PAPPA2: variants seen among roughly 807,000 people sequenced by gnomAD.
PAPPA2 encodes the protein pappalysin 2.
A neutral mutation model predicts 176.4 loss-of-function variants in PAPPA2; 86 were observed. The ratio of observed to expected loss-of-function variants is 0.49; its 90% CI spans 0.41 to 0.58. The LOEUF is 0.58. PAPPA2 is among the 20% of genes least tolerant of loss of function. The pLI, the probability that PAPPA2 is intolerant of heterozygous loss-of-function variation, is 0.00. For synonymous variants in PAPPA2, 809 were observed against 852.2 expected (o/e 0.95, Z 0.88); for missense variants, 2,073 against 2,256.9 (o/e 0.92, Z 1.65).
chr1:176,780,627 A>C (rs1248522046), intron 17 of PAPPA2, among the ~76,000 whole-genome samples: 2 of 152,012 alleles, frequency 1.3e-5, no homozygotes, highest in Admixed American at 6.6e-5. Flanking sequence ...GTTATTCTTC[A>C]TGTCTGCAGG....
At chr1:176,554,998 T>A (rs1412419387) in intron 1 of PAPPA2, among the ~76,000 whole-genome samples, 4 of 103,828 alleles carry the variant, frequency 3.9e-5, no homozygotes, top group Admixed American at 1.2e-4. Flanking sequence ...TGTGTGTGTG[T>A]GTGAGAGAGA....
intron 12 of PAPPA2, among the ~76,000 whole-genome samples, chr1:176,729,993 GC>G (rs1662058444): frequency 6.6e-6 from 1 of 151,476 alleles, no homozygotes; most frequent in African/African-American, 2.4e-5. Context: ...AATCATTTTT[GC>G]CTTCGTGAAG....
intron 21 of PAPPA2, among the ~76,000 whole-genome samples, chr1:176,818,971 G>T (rs573539623): frequency 4.6e-5 from 7 of 152,252 alleles, no homozygotes; most frequent in African/African-American, 1.7e-4. Context: ...TTTCTAATTT[G>T]CTGTAGAGTT....
intron 3 of PAPPA2, among the ~76,000 whole-genome samples, chr1:176,647,702 T>C (rs1657485034): frequency 6.6e-6 from 1 of 151,752 alleles, no homozygotes; most frequent in Non-Finnish European, 1.5e-5. Flanking sequence ...TTTGGTACCT[T>C]TGTCAAAAAT....
At chr1:176,601,300 C>CT (rs1654306449) in intron 3 of PAPPA2, among the ~76,000 whole-genome samples, 1 of 152,168 alleles carries the variant, frequency 6.6e-6, no homozygotes, top group African/African-American at 2.4e-5. Context: ...AAATTAATCT[C>CT]TTTTTTTCAT....
chr1:176,731,518 G>T (rs1457279129), intron 12 of PAPPA2, among the ~76,000 whole-genome samples: 1 of 151,750 alleles, frequency 6.6e-6, no homozygotes, highest in African/African-American at 2.4e-5. Context: ...CACCATGTTG[G>T]CCAGACTGGT....
chr1:176,755,288 A>G (rs896172977), intron 14 of PAPPA2, among the ~76,000 whole-genome samples: 2 of 152,156 alleles, frequency 1.3e-5, no homozygotes, highest in African/African-American at 4.8e-5. Context: ...TTACTTCTGC[A>G]TGTGAATTTG....
chr1:176,650,149 C>A (rs938645560), intron 3 of PAPPA2, among the ~76,000 whole-genome samples: 2 of 151,332 alleles, frequency 1.3e-5, no homozygotes, highest in African/African-American at 2.4e-5. Context: ...TATATGGTAA[C>A]CTTCTTTGTC....
intron 2 of PAPPA2, among the ~76,000 whole-genome samples, chr1:176,557,824 C>T (rs1000739114): frequency 6.6e-6 from 1 of 152,162 alleles, no homozygotes; most frequent in Non-Finnish European, 1.5e-5. Flanking sequence ...ATCATGTGTC[C>T]AGCTTAGGAA....
intron 18 of PAPPA2, 75 bp downstream of exon 18, chr1:176,790,052 A>G: frequency 6.6e-7 from 1 of 1,511,522 alleles, no homozygotes; most frequent in Non-Finnish European, 9.1e-7. Context: ...AAATTTGAGA[A>G]ATGAAATTTC....
intron 21 of PAPPA2, among the ~76,000 whole-genome samples, chr1:176,824,194 C>A (rs1459286957): frequency 1.3e-5 from 2 of 152,170 alleles, no homozygotes; most frequent in African/African-American, 4.8e-5. Context: ...GCTTGAACAT[C>A]TGCTGTGGGG....
chr1:176,680,758 G>A (rs549182253), intron 4 of PAPPA2, among the ~76,000 whole-genome samples: 3 of 152,292 alleles, frequency 2.0e-5, no homozygotes, highest in Admixed American at 1.3e-4. Context: ...TGGGAAATGT[G>A]TATTTTAAGG....
intron 1 of PAPPA2, among the ~76,000 whole-genome samples, chr1:176,484,193 A>C (rs1229979253): frequency 1.3e-5 from 2 of 152,194 alleles, no homozygotes; most frequent in Non-Finnish European, 2.9e-5. Flanking sequence ...ATAGTTTCTG[A>C]GGACATGTCA....
chr1:176,532,167 G>A (rs1649849586), intron 1 of PAPPA2, among the ~76,000 whole-genome samples: 1 of 152,132 alleles, frequency 6.6e-6, no homozygotes, highest in Non-Finnish European at 1.5e-5. Context: ...TCTACCTCCG[G>A]TACCTTAGGC....
At chr1:176,738,453 A>C (rs1431584647) in intron 12 of PAPPA2, among the ~76,000 whole-genome samples, 1 of 152,134 alleles carries the variant, frequency 6.6e-6, no homozygotes, top group Non-Finnish European at 1.5e-5. Context: ...ACAAGGAAGA[A>C]TTCTTGTTAA....
intron 1 of PAPPA2, among the ~76,000 whole-genome samples, chr1:176,487,225 T>G (rs1276889181): frequency 6.6e-6 from 1 of 152,184 alleles, no homozygotes; most frequent in Admixed American, 6.6e-5. Flanking sequence ...GGGTTGCTGG[T>G]CAAGGCCATC....
chr1:176,716,528 G>A (rs963787956), intron 12 of PAPPA2, among the ~76,000 whole-genome samples: 26 of 151,142 alleles, frequency 1.7e-4, no homozygotes, highest in Admixed American at 1.4e-3. Context: ...TAACAGGCAT[G>A]AGCCACTGCG....
chr1:176,827,640 A>G (rs1280640819), intron 21 of PAPPA2, among the ~76,000 whole-genome samples: 1 of 152,074 alleles, frequency 6.6e-6, no homozygotes, highest in African/African-American at 2.4e-5. Context: ...TTTCTTTCCT[A>G]TGGTCTTAGG....
chr1:176,688,891 GA>G (rs1468418978), intron 4 of PAPPA2, among the ~76,000 whole-genome samples: 1 of 152,202 alleles, frequency 6.6e-6, no homozygotes, highest in African/African-American at 2.4e-5. Flanking sequence ...ATGGAGGCAG[GA>G]ATAGGATATA....
Sources: allele counts gnomAD v4.1 joint callset (sites outside exome capture counted in the v4.1 genomes callset), GRCh38; gene constraint gnomAD v4.1.1; transcripts MANE v1.5; gene names NCBI Gene and HGNC (gene_info 2026-07-23, HGNC 2026-07-21).